The following FHOD3 variants were observed in gnomAD, a reference collection of about 807,000 sequenced individuals.
FHOD3 encodes FH1/FH2 domain-containing protein 3.
In FHOD3, 90 loss-of-function variants were observed where a neutral mutation model predicts 173.0. The observed-to-expected ratio is 0.52, with a 90% CI of 0.44 to 0.62. The LOEUF (loss-of-function observed/expected upper bound fraction) is 0.62, where lower values mean the gene tolerates loss of function less well. Ranked by LOEUF, FHOD3 falls within the 20% of genes least tolerant of loss-of-function variation. The pLI is 0.00. For missense variants in FHOD3, 1,945 were observed against 2,034.7 expected, an observed-to-expected ratio of 0.96 and a Z score of 0.85; for synonymous variants, 828 against 823.0, an observed-to-expected ratio of 1.01 and a Z score of -0.10.
At chr18:36,443,976 C>T (rs1163415922) in intron 3 of FHOD3, among the ~76,000 whole-genome samples, 1 of 152,050 alleles carries the variant, frequency 6.6e-6, no homozygotes, top group African/African-American at 2.4e-5. Flanking sequence ...ACTCCCAAGG[C>T]AGGCAGATCA....
At chr18:36,369,197 G>A (rs1319557369) in intron 2 of FHOD3, among the ~76,000 whole-genome samples, 6 of 152,134 alleles carry the variant, frequency 3.9e-5, no homozygotes, top group Non-Finnish European at 8.8e-5. Flanking sequence ...TTACTGGAAA[G>A]GCAGGGATAA....
chr18:36,361,553 G>T (rs566499677), intron 2 of FHOD3, among the ~76,000 whole-genome samples: 4 of 152,094 alleles, frequency 2.6e-5, no homozygotes, highest in African/African-American at 9.6e-5. Context: ...GGGCGTGGTG[G>T]CACGTGCTTG....
At chr18:36,696,474 T>C (rs1339442907) in intron 17 of FHOD3, among the ~76,000 whole-genome samples, 2 of 152,228 alleles carry the variant, frequency 1.3e-5, no homozygotes, top group African/African-American at 2.4e-5. Context: ...AAGAAGAAGA[T>C]AGGAAAACAT....
chr18:36,766,628 G>A (rs1188146361), intron 27 of FHOD3, among the ~76,000 whole-genome samples: 1 of 152,188 alleles, frequency 6.6e-6, no homozygotes, highest in African/African-American at 2.4e-5. Context: ...ACCAAGAGGA[G>A]CGGACATAAA....
chr18:36,353,591 T>A (rs2046232103), intron 1 of FHOD3, among the ~76,000 whole-genome samples: 3 of 152,236 alleles, frequency 2.0e-5, no homozygotes, highest in Admixed American at 6.5e-5. Flanking sequence ...AATAATAGCC[T>A]AACTCAGCAA....
intron 2 of FHOD3, among the ~76,000 whole-genome samples, chr18:36,360,280 G>A (rs1426767695): frequency 2.6e-5 from 4 of 152,228 alleles, no homozygotes; most frequent in Non-Finnish European, 4.4e-5. Context: ...GAGGACCAGT[G>A]TGGTGGCTGG....
chr18:36,332,191 T>C (rs1364688591), intron 1 of FHOD3, among the ~76,000 whole-genome samples: 1 of 152,232 alleles, frequency 6.6e-6, no homozygotes, highest in Non-Finnish European at 1.5e-5. Flanking sequence ...AGGATGAATT[T>C]GGAGCTGAGA....
chr18:36,740,937 G>A, intron 21 of FHOD3, 99 bp downstream of exon 21: 1 of 1,207,142 alleles, frequency 8.3e-7, no homozygotes, highest in Non-Finnish European at 1.1e-6. Flanking sequence ...TATCATTCTT[G>A]GCATAGGGTA....
intron 9 of FHOD3, among the ~76,000 whole-genome samples, chr18:36,615,942 A>G: frequency 6.6e-6 from 1 of 152,220 alleles, no homozygotes; most frequent in East Asian, 1.9e-4. Flanking sequence ...CAGCACTTGA[A>G]GCTGCCAACA....
At chr18:36,410,503 A>C (rs1191317547) in intron 3 of FHOD3, among the ~76,000 whole-genome samples, 1 of 152,190 alleles carries the variant, frequency 6.6e-6, no homozygotes, top group Non-Finnish European at 1.5e-5. Flanking sequence ...TTGCCTAGGC[A>C]TGTACCTAGA....
At chr18:36,348,176 A>G (rs1420442559) in intron 1 of FHOD3, among the ~76,000 whole-genome samples, 1 of 152,236 alleles carries the variant, frequency 6.6e-6, no homozygotes. Flanking sequence ...CTTTAAGTCC[A>G]GTTCCTTGTC....
intron 27 of FHOD3, among the ~76,000 whole-genome samples, chr18:36,763,203 T>C (rs1210597209): frequency 6.7e-6 from 1 of 148,252 alleles, no homozygotes; most frequent in African/African-American, 2.4e-5. Context: ...ATTATATACG[T>C]TATATATGTG....
At chr18:36,469,194 CAGGTATAG>C (rs2053131613) in intron 3 of FHOD3, among the ~76,000 whole-genome samples, 1 of 152,122 alleles carries the variant, frequency 6.6e-6, no homozygotes, top group African/African-American at 2.4e-5. Context: ...ATCCTATCAC[CAGGTATAG>C]AGCTATACAC....
chr18:36,769,144 A>T (rs1281315019), intron 27 of FHOD3, 121 bp from the exon 28 acceptor site: 9 of 1,174,076 alleles, frequency 7.7e-6, no homozygotes, highest in Non-Finnish European at 1.1e-5. Flanking sequence ...TGGGGCTTTA[A>T]CTCTGGCCTT....
intron 18 of FHOD3, 60 bp from the exon 19 acceptor site, chr18:36,717,772 C>G (rs2045802012): frequency 1.3e-5 from 20 of 1,511,298 alleles, no homozygotes; most frequent in Non-Finnish European, 1.7e-5. Context: ...CTCATCGATT[C>G]TCTCATGGAA....
chr18:36,466,180 AC>A (rs1318855077), intron 3 of FHOD3, among the ~76,000 whole-genome samples: 2 of 151,956 alleles, frequency 1.3e-5, no homozygotes, highest in Non-Finnish European at 2.9e-5. Context: ...AGGGAGGGAG[AC>A]TCTCAGGCTA....
At chr18:36,452,638 C>G (rs543123659) in intron 3 of FHOD3, among the ~76,000 whole-genome samples, 3 of 152,230 alleles carry the variant, frequency 2.0e-5, no homozygotes, top group South Asian at 2.1e-4. Flanking sequence ...CCATTCTGCT[C>G]TCTGCTTCTC....
chr18:36,675,419 C>T (rs1311627500), intron 14 of FHOD3, among the ~76,000 whole-genome samples: 1 of 152,150 alleles, frequency 6.6e-6, no homozygotes, highest in Non-Finnish European at 1.5e-5. Context: ...CATACAGGGC[C>T]ACCAAGGGCC....
chr18:36,731,482 C>T (rs1325930921), intron 20 of FHOD3, among the ~76,000 whole-genome samples: 1 of 152,154 alleles, frequency 6.6e-6, no homozygotes, highest in Non-Finnish European at 1.5e-5. Context: ...CGATGTGTCC[C>T]ACCCACCAAT....
Sources: allele counts gnomAD v4.1 joint callset (sites outside exome capture counted in the v4.1 genomes callset), GRCh38; gene constraint gnomAD v4.1.1; transcripts MANE v1.5; gene names NCBI Gene and HGNC (gene_info 2026-07-23, HGNC 2026-07-21).